HYDIN: variants seen among roughly 807,000 people sequenced by gnomAD.
The protein encoded by HYDIN is HYDIN axonemal central pair apparatus protein, also known as axonemal central pair apparatus protein HYDIN.
HYDIN carries 132 observed loss-of-function variants against 403.9 expected under a neutral mutation model. That is an observed-to-expected ratio of 0.33 (90% confidence interval 0.28 to 0.38). The LOEUF (loss-of-function observed/expected upper bound fraction) is 0.38, where lower values mean the gene tolerates loss of function less well. HYDIN is among the 10% of genes least tolerant of loss of function. The pLI, the probability that HYDIN is intolerant of heterozygous loss-of-function variation, is 1.00. For missense variants in HYDIN, 2,827 were observed against 5,009.5 expected, an observed-to-expected ratio of 0.56 and a Z score of 13.15; for synonymous variants, 1,202 against 1,891.7, an observed-to-expected ratio of 0.64 and a Z score of 9.46.
chr16:71,119,769 C>T (rs1455998155), intron 9 of HYDIN, among the ~76,000 whole-genome samples: 1 of 148,616 alleles, frequency 6.7e-6, no homozygotes, highest in African/African-American at 2.5e-5. Context: ...CTTCTATTTC[C>T]TTATAGCAAA....
In HYDIN at chr16:71,027,643, C is replaced by T. The variant is rs2080758018; in HGVS notation, c.3001G>A (p.Ala1001Thr). The part of the protein sequence containing the change: ...PASMELYPGQ[A>T]IDVILEGYSA... The stretch of plus-strand genomic sequence containing the variant: ...TAGCCTTCGAGTATCACATCAATTG[C>T]CTGGCCTGGGTACAGCTCCATGCTG... The change falls in exon 20 of 86, where the codon GCA (alanine) becomes ACA (threonine). Residue 1001 changes from alanine to threonine, a missense_variant. Coordinates refer to ENST00000393567, the MANE Select transcript of HYDIN (RefSeq NM_001270974.2). 4 of 1,613,202 alleles carry T rather than the reference C, an allele frequency of 2.5e-6. No individual in the cohort carries two copies. The highest frequency in any genetic ancestry group is 3.4e-6 in the Non-Finnish European group (4 of 1,179,828).
chr16:71,229,979 G>C (rs2041209642), intron 1 of HYDIN, among the ~76,000 whole-genome samples: 1 of 152,114 alleles, frequency 6.6e-6, no homozygotes, highest in African/African-American at 2.4e-5. Context: ...AGTCTGACGA[G>C]ATTTGATGGT....
Position 70,850,555 on chromosome 16 carries a change from C to T in HYDIN, c.12544G>A (p.Val4182Ile). 1 of 1,613,154 alleles carries T rather than the reference C, an allele frequency of 6.2e-7. No individual in the cohort carries two copies. The highest frequency in any genetic ancestry group is 1.7e-5 in the Admixed American group (1 of 59,906). ...EKKVHPVTLN[V>I]KAEGYTMNVE... ...TTCATAGTGTAGCCCTCGGCCTTGA[C>T]ATTTAATGTCACAGGGTGGACTTTC... Residue 4182 changes from valine (V) to isoleucine (I), a missense_variant, in exon 74 of 86, where the codon GTC (valine) becomes ATC (isoleucine). Physicochemically the swap from Val to Ile is conservative, Grantham distance 29. Coordinates refer to ENST00000393567, the MANE Select transcript of HYDIN (RefSeq NM_001270974.2).
At chr16:70,847,940 TG>T (rs1457864721) in intron 75 of HYDIN, among the ~76,000 whole-genome samples, 1 of 149,716 alleles carries the variant, frequency 6.7e-6, no homozygotes, top group Non-Finnish European at 1.5e-5. Flanking sequence ...TAATCTCTTA[TG>T]GGAATCTGAA....
chr16:70,890,650 A>G (rs562331622), intron 57 of HYDIN, among the ~76,000 whole-genome samples: 2 of 151,400 alleles, frequency 1.3e-5, no homozygotes, highest in South Asian at 4.2e-4. Flanking sequence ...GGTAAAAACC[A>G]TCCTTAATTT....
chr16:70,944,846 G>A (rs1391641427), intron 41 of HYDIN, among the ~76,000 whole-genome samples: 4 of 152,246 alleles, frequency 2.6e-5, no homozygotes, highest in East Asian at 1.9e-4. Flanking sequence ...TCCGCCTCTC[G>A]GGTTTAAGTG....
intron 38 of HYDIN, among the ~76,000 whole-genome samples, chr16:70,961,346 T>G (rs2078413609): frequency 6.6e-6 from 1 of 152,046 alleles, no homozygotes; most frequent in African/African-American, 2.4e-5. Flanking sequence ...ACCTGGTTGA[T>G]GAGGGCTATG....
intron 23 of HYDIN, among the ~76,000 whole-genome samples, chr16:71,011,122 T>C (rs1454841747): frequency 5.3e-5 from 8 of 152,148 alleles, no homozygotes; most frequent in Admixed American, 1.3e-4. Flanking sequence ...CCTTATAGGA[T>C]TCCGGGGCTG....
intron 5 of HYDIN, among the ~76,000 whole-genome samples, chr16:71,169,516 G>T (rs1384693252): frequency 1.3e-5 from 2 of 152,172 alleles, no homozygotes; most frequent in Non-Finnish European, 2.9e-5. Flanking sequence ...CATCATTTGT[G>T]ACAACATGGA....
chr16:71,076,043 A>C (rs2144326439), intron 13 of HYDIN: 1 of 309,078 alleles, frequency 3.2e-6, no homozygotes, highest in East Asian at 8.6e-5. Flanking sequence ...CCTCCCACTC[A>C]TGGTTCTGGA....
intron 76 of HYDIN, among the ~76,000 whole-genome samples, chr16:70,838,229 C>T (rs950743480): frequency 2.0e-5 from 3 of 152,012 alleles, no homozygotes; most frequent in African/African-American, 2.4e-5. Context: ...CTCACTCTGT[C>T]ACCCAGGCTG....
At chr16:71,106,180 T>C (rs1361939213) in intron 10 of HYDIN, among the ~76,000 whole-genome samples, 1 of 151,094 alleles carries the variant, frequency 6.6e-6, no homozygotes, top group East Asian at 2.0e-4. Context: ...TCTCTCTCTC[T>C]CTCTCTCTCA....
intron 30 of HYDIN, 124 bp downstream of exon 30, chr16:70,978,790 C>G: frequency 1.2e-6 from 1 of 801,980 alleles, no homozygotes; most frequent in Non-Finnish European, 1.9e-6. Context: ...CTTCTGCACA[C>G]AGTGCCCTTC....
In HYDIN at chr16:71,181,678, A is replaced by G. The variant is rs535737520; in HGVS notation, c.262-2631T>C. The stretch of plus-strand genomic sequence containing the variant: ...AAAAGTCAAAGAGCACAAAGCAAAT[A>G]TTTAAGAATGTAAAGAAGTGAGCAG... On this transcript the variant is annotated intron_variant, in intron 3 of 85. Transcript: ENST00000393567. Among the ~76,000 whole-genome samples the G allele has an allele frequency of 7.9e-5, 12 of 152,324 alleles. No homozygotes were observed. In the South Asian group the frequency reaches 2.5e-3, roughly 32 times the overall value.
Position 70,879,490 on chromosome 16 carries a change from T to C in HYDIN, c.10368-4A>G, listed in dbSNP as rs777331800. 9 of 1,613,512 alleles carry C rather than the reference T, an allele frequency of 5.6e-6. No individual in the cohort carries two copies. In the South Asian group the frequency reaches 8.8e-5, roughly 16 times the overall value. On this transcript the variant is annotated splice_polypyrimidine_tract_variant and splice_region_variant and intron_variant, in intron 61 of 85. Transcript: ENST00000393567. The stretch of plus-strand genomic sequence containing the variant: ...GCCTCGGCTCTTGGCCAGGGTGCTG[T>C]AGGGGACAGGAAGATTGTAGCCTGT...
At chr16:70,916,679 TG>T (rs2143801442) in intron 47 of HYDIN, among the ~76,000 whole-genome samples, 1 of 152,330 alleles carries the variant, frequency 6.6e-6, no homozygotes, top group South Asian at 2.1e-4. Context: ...TGATCTGTTA[TG>T]TTTCTTTAGT....
chr16:70,944,064 G>A, intron 41 of HYDIN, 115 bp from the exon 42 acceptor site: 1 of 757,018 alleles, frequency 1.3e-6, no homozygotes, highest in Non-Finnish European at 2.2e-6. Context: ...TTCCTCATCT[G>A]TACAATGGGA....
At chr16:71,218,495 T>C (rs1294796461) in intron 1 of HYDIN, among the ~76,000 whole-genome samples, 1 of 152,234 alleles carries the variant, frequency 6.6e-6, no homozygotes, top group African/African-American at 2.4e-5. Context: ...GCCATGGTTT[T>C]AATTGCTAAG....
At chr16:70,942,481 G>T (rs924076916) in intron 42 of HYDIN, among the ~76,000 whole-genome samples, 2 of 152,200 alleles carry the variant, frequency 1.3e-5, no homozygotes, top group Non-Finnish European at 2.9e-5. Context: ...CAGGCAGCAG[G>T]GGGAGCAGCT....
Sources: allele counts gnomAD v4.1 joint callset (sites outside exome capture counted in the v4.1 genomes callset), GRCh38; gene constraint gnomAD v4.1.1; transcripts MANE v1.5; gene names NCBI Gene and HGNC (gene_info 2026-07-23, HGNC 2026-07-21).